Variants in CKLF observed in about 807,000 individuals in gnomAD.
CKLF encodes chemokine-like factor.
CKLF carries 16 observed loss-of-function variants against 12.9 expected under a neutral mutation model. The observed-to-expected ratio is 1.24, with a 90% CI of 0.84 to 1.88. The LOEUF (loss-of-function observed/expected upper bound fraction) is 1.88, where lower values mean the gene tolerates loss of function less well. Among genes scored for constraint, CKLF ranks in the 40% most tolerant of loss-of-function variants. The probability of loss-of-function intolerance (pLI) is 0.00; values close to 1 mark genes in which losing one functional copy is unlikely to be tolerated. For missense variants in CKLF, 172 were observed against 188.5 expected (o/e 0.91, Z 0.51); for synonymous variants, 61 against 69.0 (o/e 0.88, Z 0.57).
chr16:66,563,650 C>T (rs767736002), intron 3 of CKLF, among the ~76,000 whole-genome samples: 2 of 152,134 alleles, frequency 1.3e-5, no homozygotes, highest in African/African-American at 2.4e-5. Context: ...ATTTCTTGTT[C>T]AGATCCTTCA....
intron 1 of CKLF, among the ~76,000 whole-genome samples, chr16:66,555,360 A>G (rs1597124629): frequency 6.6e-6 from 1 of 152,230 alleles, no homozygotes; most frequent in East Asian, 1.9e-4. Context: ...TGGGCAAGAA[A>G]TGATGATGGT....
intron 2 of CKLF, among the ~76,000 whole-genome samples, chr16:66,562,456 C>G (rs1049548053): frequency 6.6e-6 from 1 of 152,206 alleles, no homozygotes; most frequent in Non-Finnish European, 1.5e-5. Flanking sequence ...GGCACCCCTT[C>G]TACCTTAAAC....
At chr16:66,565,805 G>C (rs1448517523) in intron 3 of CKLF, 81 bp from the exon 4 acceptor site, 2 of 1,318,182 alleles carry the variant, frequency 1.5e-6, no homozygotes, top group Non-Finnish European at 1.1e-6. Context: ...GAGGAATCTG[G>C]TGGGCAGACC....
rs570318349 is a variant in CKLF at position 66,560,681 on chromosome 16, T to C, written c.237+2333T>C. On this transcript the variant is annotated intron_variant, in intron 2 of 3. Coordinates refer to ENST00000264001, the MANE Select transcript of CKLF (RefSeq NM_016951.4). ...GGTAAAACTGGGAAACGCCAACATA[T>C]GAGATGAGGAGTGGCCAGAAAAGGC... Among the ~76,000 whole-genome samples the C allele has an allele frequency of 3.3e-5, 5 of 151,580 alleles. No individual in the cohort carries two copies. The East Asian group carries it at 7.8e-4, about 24-fold the overall frequency.
At chr16:66,553,183 C>G (rs182279784) in intron 1 of CKLF, among the ~76,000 whole-genome samples, 6 of 152,090 alleles carry the variant, frequency 3.9e-5, no homozygotes, top group Admixed American at 3.3e-4. Context: ...AAAAAAAAAC[C>G]CTTTTTTTAA....
chr16:66,562,791 G>A (rs2011824105), intron 2 of CKLF, among the ~76,000 whole-genome samples: 1 of 152,170 alleles, frequency 6.6e-6, no homozygotes, highest in Non-Finnish European at 1.5e-5. Context: ...CATGATCTCA[G>A]TTCACTGTAA....
intron 1 of CKLF, among the ~76,000 whole-genome samples, chr16:66,556,982 A>AT (rs773010003): frequency 5.9e-5 from 9 of 152,094 alleles, no homozygotes; most frequent in Non-Finnish European, 1.0e-4. Context: ...CCCACCAGCT[A>AT]TTTTTTTCAC....
At position 66,558,419 on chromosome 16, in the gene CKLF, T is replaced by C; in HGVS notation, c.237+71T>C. 2.6e-6 allele frequency: 4 copies of C among 1,546,592 alleles called. No homozygotes were observed. In the South Asian group the frequency reaches 5.1e-5, roughly 20 times the overall value. On this transcript the variant is annotated intron_variant, in intron 2 of 3. Transcript: ENST00000264001. ...GTGAGATATTCTAATGAACTCTGTT[T>C]TTTGCTTCTCTTAAACCTTTAAGGT...
chr16:66,561,086 A>T (rs1422376750), intron 2 of CKLF, among the ~76,000 whole-genome samples: 1 of 152,232 alleles, frequency 6.6e-6, no homozygotes, highest in African/African-American at 2.4e-5. Context: ...TGTAGGACAC[A>T]GAGATGGCTG....
At position 66,563,039 on chromosome 16, in the gene CKLF, G is replaced by A. The variant is rs759294585; in HGVS notation, c.238-83G>A. 9.2e-6 allele frequency: 14 copies of A among 1,524,532 alleles called. No homozygotes were observed. The South Asian group carries it at 1.5e-4, about 16-fold the overall frequency. The allele number at this position is 1,524,532 out of a possible 1,614,324, so 94.4% of individuals were successfully genotyped here. Reference sequence around the variant, plus strand: ...CCTGCTGACTTTGTTTTTTGTTGTTGTTGTTTTTTTGTTTTTTGTTTTTCC... The same window carrying A: ...CCTGCTGACTTTGTTTTTTGTTGTTATTGTTTTTTTGTTTTTTGTTTTTCC... On this transcript the variant is annotated intron_variant, in intron 2 of 3. Coordinates refer to ENST00000264001, the MANE Select transcript of CKLF (RefSeq NM_016951.4).
intron 2 of CKLF, among the ~76,000 whole-genome samples, chr16:66,560,664 T>G (rs1442320665): frequency 6.6e-6 from 1 of 151,818 alleles, no homozygotes; most frequent in Non-Finnish European, 1.5e-5. Context: ...AAGGTAAAAC[T>G]GGGAAACGCC....
At chr16:66,556,947 G>A (rs1163670841) in intron 1 of CKLF, among the ~76,000 whole-genome samples, 3 of 152,048 alleles carry the variant, frequency 2.0e-5, no homozygotes, top group African/African-American at 7.2e-5. Context: ...TATTTCCTAA[G>A]AACATTGACA....
chr16:66,555,336 C>G (rs1228949111), intron 1 of CKLF, among the ~76,000 whole-genome samples: 1 of 152,092 alleles, frequency 6.6e-6, no homozygotes, highest in African/African-American at 2.4e-5. Flanking sequence ...CCAAGGAGAC[C>G]AATTGCAGTA....
chr16:66,560,747 A>C (rs1036430153), intron 2 of CKLF, among the ~76,000 whole-genome samples: 1 of 151,866 alleles, frequency 6.6e-6, no homozygotes, highest in African/African-American at 2.4e-5. Flanking sequence ...CGAAGCCAAG[A>C]TGGGAATACA....
At chr16:66,561,995 A>AT (rs2011758828) in intron 2 of CKLF, among the ~76,000 whole-genome samples, 1 of 152,238 alleles carries the variant, frequency 6.6e-6, no homozygotes, top group South Asian at 2.1e-4. Flanking sequence ...CAATAATAAC[A>AT]TAATTGGTCA....
At chr16:66,565,159 G>A (rs1453216487) in intron 3 of CKLF, among the ~76,000 whole-genome samples, 1 of 152,124 alleles carries the variant, frequency 6.6e-6, no homozygotes, top group Non-Finnish European at 1.5e-5. Flanking sequence ...GGTGGAAAAG[G>A]AGACTGTGAG....
Position 66,552,844 on chromosome 16 carries a change from G to A in CKLF, c.78+51G>A, listed in dbSNP as rs760924230. On this transcript the variant is annotated intron_variant, in intron 1 of 3. Transcript: ENST00000264001. Reference sequence around the variant, plus strand: ...AGGCTGATGAAGCTGCTGGGGGGCGGGAGATGTGGGTGTGAAGTGCAAAGC... The same window carrying A: ...AGGCTGATGAAGCTGCTGGGGGGCGAGAGATGTGGGTGTGAAGTGCAAAGC... The A allele has an allele frequency of 8.1e-6, 13 of 1,612,904 alleles. No homozygotes were observed. In the African/African-American group the frequency reaches 1.6e-4, roughly 20 times the overall value.
At position 66,563,139 on chromosome 16, in the gene CKLF, G is replaced by A; in HGVS notation, c.255G>A (p.Leu85=). The change falls in exon 3 of 4, where the codon CTG becomes CTA. Residue 85 remains leucine, a synonymous_variant. Transcript: ENST00000264001. ...FWPLLDIINS[L]VTTVFMLIVS... ...GTTTTTAGGATATTATCAACTCACT[G>A]GTAACAACAGTATTCATGCTCATCG... 1 of 1,614,034 alleles carries A rather than the reference G, an allele frequency of 6.2e-7. No individual in the cohort carries two copies. Among genetic ancestry groups the A allele is most frequent in the Non-Finnish European group, 8.5e-7 (1 of 1,180,008 alleles).
chr16:66,558,652 G>A (rs1402543250), intron 2 of CKLF: 9 of 238,476 alleles, frequency 3.8e-5, no homozygotes, highest in Non-Finnish European at 6.4e-5. Flanking sequence ...TAACAAAATT[G>A]TAGTGCATTC....
Sources: gnomAD v4.1 joint callset for allele counts (sites outside exome capture counted in the v4.1 genomes callset) on GRCh38, gnomAD v4.1.1 for gene constraint, MANE v1.5 for transcripts, NCBI Gene and HGNC (gene_info 2026-07-23, HGNC 2026-07-21) for gene names.